PTPN13: variants seen among roughly 807,000 people sequenced by gnomAD.
PTPN13 encodes the protein protein tyrosine phosphatase non-receptor type 13.
PTPN13 carries 191 observed loss-of-function variants against 284.0 expected under a neutral mutation model. The ratio of observed to expected loss-of-function variants is 0.67; its 90% CI spans 0.60 to 0.76. The LOEUF is 0.76. Among genes scored for constraint, PTPN13 ranks in the 30% least tolerant of loss-of-function variants. The probability of loss-of-function intolerance (pLI) is 0.00; values close to 1 mark genes in which losing one functional copy is unlikely to be tolerated. For synonymous variants in PTPN13, 986 were observed against 1,022.3 expected, an observed-to-expected ratio of 0.96 and a Z score of 0.68; for missense variants, 2,797 against 2,939.9, an observed-to-expected ratio of 0.95 and a Z score of 1.12.
At chr4:86,728,304 G>A (rs980112153) in intron 10 of PTPN13, among the ~76,000 whole-genome samples, 4 of 149,490 alleles carry the variant, frequency 2.7e-5, no homozygotes, top group Non-Finnish European at 6.0e-5. Flanking sequence ...GATTTGGGGT[G>A]GTGAGTTCTG....
chr4:86,803,932 C>G (rs777147752), intron 43 of PTPN13, 75 bp downstream of exon 43: 5 of 1,483,634 alleles, frequency 3.4e-6, no homozygotes, highest in Non-Finnish European at 3.6e-6. Flanking sequence ...TCTTTACTGG[C>G]CCAAGATTAG....
chr4:86,612,838 CTG>C (rs746112305), intron 1 of PTPN13, among the ~76,000 whole-genome samples: 3 of 152,184 alleles, frequency 2.0e-5, no homozygotes, highest in Non-Finnish European at 2.9e-5. Context: ...AGTGCTGAAA[CTG>C]TCAGCCTAAA....
At chr4:86,692,722 T>C (rs1730158065) in intron 5 of PTPN13, among the ~76,000 whole-genome samples, 2 of 152,178 alleles carry the variant, frequency 1.3e-5, no homozygotes, top group South Asian at 4.1e-4. Flanking sequence ...ACATTTTGTT[T>C]TAAAGGGAAC....
chr4:86,624,506 T>C (rs968145000), intron 1 of PTPN13, among the ~76,000 whole-genome samples: 1 of 152,216 alleles, frequency 6.6e-6, no homozygotes, highest in Non-Finnish European at 1.5e-5. Context: ...AATAGCCCTT[T>C]GTTGAATAGT....
chr4:86,746,286 A>T (rs932442875), intron 17 of PTPN13, among the ~76,000 whole-genome samples: 1 of 152,340 alleles, frequency 6.6e-6, no homozygotes, highest in Middle Eastern at 3.4e-3. Flanking sequence ...TACAAAATCT[A>T]ATTCTACATA....
chr4:86,678,263 A>C (rs1226339222), intron 3 of PTPN13, among the ~76,000 whole-genome samples: 1 of 152,200 alleles, frequency 6.6e-6, no homozygotes, highest in African/African-American at 2.4e-5. Context: ...TACCGAAAGA[A>C]AAGAGTTATG....
intron 38 of PTPN13, 39 bp downstream of exon 38, chr4:86,784,597 C>T (rs1460857546): frequency 7.5e-7 from 1 of 1,335,710 alleles, no homozygotes. Context: ...CTCTAAATGC[C>T]CTAATAATTC....
At chr4:86,650,922 T>C (rs1578337956) in intron 2 of PTPN13, among the ~76,000 whole-genome samples, 5 of 152,328 alleles carry the variant, frequency 3.3e-5, no homozygotes, top group South Asian at 2.1e-4. Flanking sequence ...ATTTCTCTTA[T>C]CTAATTGCTC....
chr4:86,622,941 A>G (rs1219893721), intron 1 of PTPN13, among the ~76,000 whole-genome samples: 1 of 152,204 alleles, frequency 6.6e-6, no homozygotes, highest in Non-Finnish European at 1.5e-5. Context: ...CTCCTTTCAC[A>G]GGCTTCCTGT....
At chr4:86,639,888 G>T (rs571933256) in intron 2 of PTPN13, among the ~76,000 whole-genome samples, 1 of 152,072 alleles carries the variant, frequency 6.6e-6, no homozygotes, top group African/African-American at 2.4e-5. Context: ...AACTCTGGGG[G>T]TGCAGCCCAG....
intron 36 of PTPN13, 80 bp from the exon 37 acceptor site, chr4:86,782,121 T>G: frequency 5.0e-5 from 48 of 960,222 alleles, no homozygotes; most frequent in Middle Eastern, 2.2e-4. Flanking sequence ...CCCAGAAATG[T>G]GAGTTTTCTT....
intron 8 of PTPN13, 88 bp from the exon 9 acceptor site, chr4:86,716,936 C>A: frequency 1.1e-6 from 1 of 874,550 alleles, no homozygotes; most frequent in Admixed American, 2.1e-5. Flanking sequence ...TTGTACAACT[C>A]TATGTCTGCT....
At chr4:86,596,631 T>C (rs990187850) in intron 1 of PTPN13, among the ~76,000 whole-genome samples, 10 of 152,200 alleles carry the variant, frequency 6.6e-5, no homozygotes, top group African/African-American at 1.7e-4. Flanking sequence ...TTCTTTGTTA[T>C]TGAGAAAAAC....
chr4:86,758,472 C>A, intron 21 of PTPN13, 123 bp downstream of exon 21: 1 of 938,684 alleles, frequency 1.1e-6, no homozygotes. Flanking sequence ...ACTGGCTGCC[C>A]ACCTACAAGC....
At chr4:86,719,127 C>G (rs1733362521) in intron 9 of PTPN13, among the ~76,000 whole-genome samples, 1 of 152,150 alleles carries the variant, frequency 6.6e-6, no homozygotes, top group Non-Finnish European at 1.5e-5. Flanking sequence ...TCTCCTTCCT[C>G]CCACTCTCCC....
At chr4:86,716,464 A>G (rs1297851607) in intron 7 of PTPN13, 66 bp from the exon 8 acceptor site, 1 of 949,876 alleles carries the variant, frequency 1.1e-6, no homozygotes, top group Non-Finnish European at 1.6e-6. Context: ...ATTAAAATTA[A>G]TATTTTGATT....
chr4:86,734,244 G>C (rs1735251447), intron 12 of PTPN13, 59 bp from the exon 13 acceptor site: 2 of 1,269,566 alleles, frequency 1.6e-6, no homozygotes, highest in African/African-American at 1.5e-5. Flanking sequence ...TGAAGAAATC[G>C]GAAGAAAACA....
chr4:86,703,509 T>C (rs1565366023), intron 7 of PTPN13, among the ~76,000 whole-genome samples: 1 of 151,458 alleles, frequency 6.6e-6, no homozygotes, highest in Non-Finnish European at 1.5e-5. Context: ...AATGAAGATA[T>C]GTACCAATCT....
At chr4:86,627,434 C>T (rs1382859873) in intron 1 of PTPN13, among the ~76,000 whole-genome samples, 2 of 151,778 alleles carry the variant, frequency 1.3e-5, no homozygotes, top group African/African-American at 2.4e-5. Flanking sequence ...TCTTCTAACA[C>T]TAAAAACATC....
Sources: allele counts gnomAD v4.1 joint callset (sites outside exome capture counted in the v4.1 genomes callset), GRCh38; gene constraint gnomAD v4.1.1; transcripts MANE v1.5; gene names NCBI Gene and HGNC (gene_info 2026-07-23, HGNC 2026-07-21).